Variants in RABGAP1L observed in about 807,000 individuals in gnomAD.
RABGAP1L encodes the protein RAB GTPase activating protein 1 like, also known as rab GTPase-activating protein 1-like.
A neutral mutation model predicts 137.7 loss-of-function variants in RABGAP1L; 63 were observed. The observed-to-expected ratio is 0.46, with a 90% confidence interval of 0.37 to 0.56. The LOEUF is 0.56. Ranked by LOEUF, RABGAP1L falls within the 20% of genes least tolerant of loss-of-function variation. The pLI, the probability that RABGAP1L is intolerant of heterozygous loss-of-function variation, is 0.00. For synonymous variants in RABGAP1L, 431 were observed against 433.7 expected (o/e 0.99, Z 0.08); for missense variants, 1,095 against 1,244.0 (o/e 0.88, Z 1.80).
intron 13 of RABGAP1L, among the ~76,000 whole-genome samples, chr1:174,507,741 A>G (rs1417600535): frequency 6.6e-6 from 1 of 152,184 alleles, no homozygotes; most frequent in Non-Finnish European, 1.5e-5. Flanking sequence ...TCAGACAAGT[A>G]CTTCTGAGGG....
At chr1:174,278,548 A>G (rs1308555246) in intron 9 of RABGAP1L, 65 bp from the exon 10 acceptor site, 3 of 1,295,206 alleles carry the variant, frequency 2.3e-6, no homozygotes, top group Non-Finnish European at 3.3e-6. Context: ...TAAGTGAGGA[A>G]ACTTTGTTTA....
intron 1 of RABGAP1L, among the ~76,000 whole-genome samples, chr1:174,196,074 A>G (rs1667666661): frequency 6.6e-6 from 1 of 151,054 alleles, no homozygotes; most frequent in Non-Finnish European, 1.5e-5. Flanking sequence ...TGACCTCGTG[A>G]TCCGCCCACC....
At chr1:174,960,886 A>T (rs1574015123) in intron 20 of RABGAP1L, among the ~76,000 whole-genome samples, 1 of 152,240 alleles carries the variant, frequency 6.6e-6, no homozygotes, top group Non-Finnish European at 1.5e-5. Flanking sequence ...TATGTTGTAC[A>T]TTATATGTAT....
intron 21 of RABGAP1L, among the ~76,000 whole-genome samples, chr1:174,971,087 A>G (rs1243255967): frequency 3.9e-5 from 6 of 151,976 alleles, no homozygotes; most frequent in Non-Finnish European, 8.8e-5. Flanking sequence ...ACTGCTAGGT[A>G]TCTCTGGGTG....
At chr1:174,481,245 T>C (rs1659058523) in intron 13 of RABGAP1L, among the ~76,000 whole-genome samples, 1 of 152,252 alleles carries the variant, frequency 6.6e-6, no homozygotes, top group Admixed American at 6.5e-5. Context: ...GATACACTAA[T>C]TAAAACTCCA....
At chr1:174,803,872 A>G (rs1450623488) in intron 18 of RABGAP1L, among the ~76,000 whole-genome samples, 2 of 151,972 alleles carry the variant, frequency 1.3e-5, no homozygotes, top group East Asian at 3.9e-4. Flanking sequence ...CAGGAGTTCA[A>G]GACCAGCCTG....
chr1:174,947,267 A>T (rs1159395954), intron 19 of RABGAP1L, among the ~76,000 whole-genome samples: 5 of 150,216 alleles, frequency 3.3e-5, no homozygotes, highest in African/African-American at 1.2e-4. Context: ...TTTAGTAGAG[A>T]CAGGGTTTCA....
intron 18 of RABGAP1L, among the ~76,000 whole-genome samples, chr1:174,760,295 A>G (rs1457939268): frequency 2.6e-5 from 4 of 152,146 alleles, no homozygotes; most frequent in East Asian, 1.9e-4. Flanking sequence ...GGTGATAAGC[A>G]TAGTACCCAA....
chr1:174,832,897 C>A (rs1278739797), intron 19 of RABGAP1L, among the ~76,000 whole-genome samples: 1 of 152,200 alleles, frequency 6.6e-6, no homozygotes, highest in African/African-American at 2.4e-5. Flanking sequence ...TGTCCTGCTT[C>A]CTTGTATGCC....
chr1:174,503,696 A>C (rs1345950922), intron 13 of RABGAP1L, among the ~76,000 whole-genome samples: 2 of 151,534 alleles, frequency 1.3e-5, no homozygotes, highest in Non-Finnish European at 2.9e-5. Context: ...TACAAAAAAA[A>C]TCAGTTGTGT....
chr1:174,441,673 G>A (rs997105600), intron 13 of RABGAP1L, among the ~76,000 whole-genome samples: 2 of 152,120 alleles, frequency 1.3e-5, no homozygotes, highest in African/African-American at 4.8e-5. Context: ...GGTGAAGGTT[G>A]CAGTGAGCCG....
intron 13 of RABGAP1L, among the ~76,000 whole-genome samples, chr1:174,513,446 A>G (rs1392033245): frequency 6.6e-6 from 1 of 151,978 alleles, no homozygotes; most frequent in South Asian, 2.1e-4. Context: ...TGTCTCTACA[A>G]AAATTAAAAT....
chr1:174,542,331 T>C (rs906080643), intron 13 of RABGAP1L, among the ~76,000 whole-genome samples: 3 of 152,226 alleles, frequency 2.0e-5, no homozygotes, highest in African/African-American at 7.2e-5. Context: ...GGAGGGTGTA[T>C]GTGTCGAGGA....
At chr1:174,874,578 CTT>C (rs10530813) in intron 19 of RABGAP1L, 76,877 of 227,466 alleles carry the variant, frequency 0.34, 5,857 homozygotes, top group East Asian at 0.59. Context: ...ACACCACTGC[CTT>C]TTTTTTTTTT....
At chr1:174,959,768 G>T (rs1166456574) in intron 20 of RABGAP1L, among the ~76,000 whole-genome samples, 1 of 152,050 alleles carries the variant, frequency 6.6e-6, no homozygotes, top group African/African-American at 2.4e-5. Context: ...TGAATTTATA[G>T]TTCTTAGATT....
intron 17 of RABGAP1L, among the ~76,000 whole-genome samples, chr1:174,747,497 G>A (rs997103093): frequency 7.4e-5 from 11 of 149,058 alleles, no homozygotes; most frequent in African/African-American, 2.2e-4. Context: ...TGTTTGCATC[G>A]TCTAGCCACT....
intron 18 of RABGAP1L, among the ~76,000 whole-genome samples, chr1:174,759,463 C>T (rs1278740048): frequency 2.6e-5 from 4 of 151,618 alleles, no homozygotes; most frequent in East Asian, 1.9e-4. Context: ...GGCATGGTGG[C>T]GTGTGCCTGT....
intron 13 of RABGAP1L, among the ~76,000 whole-genome samples, chr1:174,531,527 A>G (rs986305098): frequency 7.2e-5 from 11 of 152,326 alleles, no homozygotes; most frequent in Non-Finnish European, 1.2e-4. Flanking sequence ...GAAAGGGCAC[A>G]CTAGTTATCC....
chr1:174,813,926 T>G (rs755249774), intron 19 of RABGAP1L, among the ~76,000 whole-genome samples: 6 of 151,810 alleles, frequency 4.0e-5, no homozygotes, highest in Non-Finnish European at 7.4e-5. Context: ...AATAAAAGAG[T>G]AGAGAAATAA....
Sources: gnomAD v4.1 joint callset for allele counts (sites outside exome capture counted in the v4.1 genomes callset) on GRCh38, gnomAD v4.1.1 for gene constraint, MANE v1.5 for transcripts, NCBI Gene and HGNC (gene_info 2026-07-23, HGNC 2026-07-21) for gene names.